Variants in ZFHX3 observed in about 807,000 individuals in gnomAD.
ZFHX3 encodes the protein zinc finger homeobox protein 3.
A neutral mutation model predicts 279.1 loss-of-function variants in ZFHX3; 42 were observed. The observed-to-expected ratio is 0.15, with a 90% CI of 0.12 to 0.19. The LOEUF (loss-of-function observed/expected upper bound fraction) is 0.19. Ranked by LOEUF, ZFHX3 falls within the 10% of genes least tolerant of loss-of-function variation. The pLI is 1.00. For missense variants in ZFHX3, 4,981 were observed against 4,754.0 expected (o/e 1.05, Z -1.40); for synonymous variants, 2,293 against 1,957.8 (o/e 1.17, Z -4.52).
At chr16:72,983,414 G>A (rs1420102864) in intron 1 of ZFHX3, among the ~76,000 whole-genome samples, 3 of 152,220 alleles carry the variant, frequency 2.0e-5, no homozygotes, top group Non-Finnish European at 2.9e-5. Context: ...GGGGTCGACA[G>A]AGAAGGCCTA....
rs536191617 is a variant in ZFHX3, at chr16:73,148,957, A to G, written c.-1103-5126T>C. Among the ~76,000 whole-genome samples, 87 of 151,564 alleles carry G rather than the reference A, an allele frequency of 5.7e-4. 1 individual carries two copies. Among genetic ancestry groups the G allele is most frequent in the African/African-American group, 1.9e-3 (80 of 41,416 alleles). On this transcript the variant is annotated intron_variant, in intron 5 of 17. Coordinates refer to the ZFHX3 transcript ENST00000641206. Reference sequence around the variant, plus strand: ...GCAAGACTCCATCTCAAAACAAAACAAGAGGATGATTGTATTTGCTTCACA... The same window carrying G: ...GCAAGACTCCATCTCAAAACAAAACGAGAGGATGATTGTATTTGCTTCACA...
chr16:72,856,660 T>C (rs1334317411), intron 4 of ZFHX3, among the ~76,000 whole-genome samples: 1 of 152,214 alleles, frequency 6.6e-6, no homozygotes, highest in Non-Finnish European at 1.5e-5. Flanking sequence ...TCCTAGCACA[T>C]GGAAAACTCC....
At chr16:73,221,002 C>T (rs1426287075) in intron 5 of ZFHX3, among the ~76,000 whole-genome samples, 1 of 152,038 alleles carries the variant, frequency 6.6e-6, no homozygotes. Context: ...TGGGGAGAAG[C>T]ACTGTTATCA....
At chr16:73,329,089 A>T (rs150107299) in intron 3 of ZFHX3, among the ~76,000 whole-genome samples, 91 of 152,304 alleles carry the variant, frequency 6.0e-4, no homozygotes, top group African/African-American at 2.1e-3. Context: ...AATCAGCCTC[A>T]TTGGTAGTTT....
intron 1 of ZFHX3, among the ~76,000 whole-genome samples, chr16:73,855,210 G>T (rs7190110): frequency 0.078 from 10,979 of 141,288 alleles, 1,310 homozygotes; most frequent in African/African-American, 0.26. Context: ...TTAATAAGGC[G>T]TTAGCCTTTT....
intron 3 of ZFHX3, among the ~76,000 whole-genome samples, chr16:72,930,877 G>A (rs1488448803): frequency 6.6e-6 from 1 of 152,144 alleles, no homozygotes; most frequent in African/African-American, 2.4e-5. Flanking sequence ...TGCCATCACT[G>A]AGCCGTACCC....
At chr16:73,186,349 C>A (rs1967906629) in intron 5 of ZFHX3, among the ~76,000 whole-genome samples, 1 of 152,090 alleles carries the variant, frequency 6.6e-6, no homozygotes, top group South Asian at 2.1e-4. Flanking sequence ...GTCTGTCACA[C>A]CTTAGGCTGT....
chr16:73,303,445 C>G (rs2015105169), intron 4 of ZFHX3, among the ~76,000 whole-genome samples: 1 of 152,192 alleles, frequency 6.6e-6, no homozygotes, highest in Non-Finnish European at 1.5e-5. Context: ...ATTCCGGAGG[C>G]TGATCTTACA....
chr16:73,703,989 G>T (rs2053277920), intron 1 of ZFHX3, among the ~76,000 whole-genome samples: 1 of 152,176 alleles, frequency 6.6e-6, no homozygotes, highest in African/African-American at 2.4e-5. Flanking sequence ...TTACTTAGCA[G>T]TGTTAACATC....
At chr16:73,510,105 C>T (rs1040632616) in intron 2 of ZFHX3, among the ~76,000 whole-genome samples, 1 of 152,184 alleles carries the variant, frequency 6.6e-6, no homozygotes, top group Non-Finnish European at 1.5e-5. Flanking sequence ...GGCTCCTTCT[C>T]GTCATTCTCA....
chr16:73,035,020 C>T (rs970901878), intron 1 of ZFHX3, among the ~76,000 whole-genome samples: 5 of 152,166 alleles, frequency 3.3e-5, no homozygotes, highest in Non-Finnish European at 7.3e-5. Flanking sequence ...CACAGGGCAG[C>T]AATCTTTTAT....
intron 1 of ZFHX3, among the ~76,000 whole-genome samples, chr16:73,000,128 C>G (rs569539087): frequency 6.6e-5 from 10 of 152,266 alleles, no homozygotes; most frequent in Admixed American, 6.5e-4. Flanking sequence ...AGGGCCCACC[C>G]GAGTAAGTAT....
At chr16:72,985,117 T>C (rs1962790433) in intron 1 of ZFHX3, among the ~76,000 whole-genome samples, 1 of 152,236 alleles carries the variant, frequency 6.6e-6, no homozygotes, top group Admixed American at 6.5e-5. Flanking sequence ...AATCTCGAAA[T>C]GATGGGGTCT....
chr16:73,044,655 C>T (rs949201731), intron 1 of ZFHX3, among the ~76,000 whole-genome samples: 1 of 152,078 alleles, frequency 6.6e-6, no homozygotes, highest in South Asian at 2.1e-4. Context: ...GAGTTTCGCT[C>T]TTGTTGCCCA....
chr16:73,652,302 G>A (rs994329410), intron 2 of ZFHX3, among the ~76,000 whole-genome samples: 1 of 152,184 alleles, frequency 6.6e-6, no homozygotes, highest in Non-Finnish European at 1.5e-5. Flanking sequence ...TTGCCCAGTT[G>A]TGGATCATAG....
intron 7 of ZFHX3, among the ~76,000 whole-genome samples, chr16:73,119,959 A>G (rs1312619779): frequency 6.6e-6 from 1 of 152,188 alleles, no homozygotes; most frequent in Non-Finnish European, 1.5e-5. Flanking sequence ...CTTATTCCAG[A>G]TGTGGAATTG....
intron 2 of ZFHX3, among the ~76,000 whole-genome samples, chr16:73,582,679 G>A (rs1022000495): frequency 1.3e-5 from 2 of 151,802 alleles, no homozygotes; most frequent in Non-Finnish European, 2.9e-5. Context: ...GGTTTCACAT[G>A]TTGGCCAGGC....
chr16:73,483,885 C>A (rs1278564611), intron 2 of ZFHX3, among the ~76,000 whole-genome samples: 4 of 149,566 alleles, frequency 2.7e-5, no homozygotes, highest in Admixed American at 6.7e-5. Flanking sequence ...AAAGCGCAGG[C>A]GGCTGTCTTT....
intron 4 of ZFHX3, among the ~76,000 whole-genome samples, chr16:72,833,835 G>T (rs4788479): frequency 6.6e-6 from 1 of 152,236 alleles, no homozygotes; most frequent in African/African-American, 2.4e-5. Context: ...CCCCTCCTGT[G>T]TGTGTTTTCA....
Sources: gnomAD v4.1 joint callset for allele counts (sites outside exome capture counted in the v4.1 genomes callset) on GRCh38, gnomAD v4.1.1 for gene constraint, MANE v1.5 for transcripts, NCBI Gene and HGNC (gene_info 2026-07-23, HGNC 2026-07-21) for gene names.